Variants in CASP6 observed in about 807,000 individuals in gnomAD.
The protein encoded by CASP6 is caspase 6.
Under a neutral mutation model 31.8 loss-of-function variants are expected in CASP6, and 20 were observed. That is an observed-to-expected ratio of 0.63 (90% confidence interval 0.44 to 0.91). The LOEUF (loss-of-function observed/expected upper bound fraction) is 0.91. CASP6 is among the 40% of genes least tolerant of loss of function. The pLI is 0.00. For missense variants in CASP6, 328 were observed against 361.1 expected, an observed-to-expected ratio of 0.91 and a Z score of 0.74; for synonymous variants, 130 against 127.8, an observed-to-expected ratio of 1.02 and a Z score of -0.12.
At chr4:109,690,316 G>A (rs1730005250) in intron 6 of CASP6, among the ~76,000 whole-genome samples, 1 of 150,966 alleles carries the variant, frequency 6.6e-6, no homozygotes, top group East Asian at 1.9e-4. Context: ...CTGGAGGATT[G>A]TTTGAGACCA....
chr4:109,667,596 A>G, the CASP6 span, among the ~76,000 whole-genome samples: 1 of 150,508 alleles, frequency 6.6e-6, no homozygotes, highest in African/African-American at 2.4e-5. Flanking sequence ...TTTCTACTCT[A>G]TGTTTATAAT....
upstream of CASP6, among the ~76,000 whole-genome samples, chr4:109,708,418 A>C (rs1730662125): frequency 6.6e-6 from 1 of 152,228 alleles, no homozygotes; most frequent in Admixed American, 6.5e-5. Context: ...ACTCGTTGGA[A>C]ACAGCAGTGG....
At chr4:109,670,312 AGGTTG>A in the CASP6 span, among the ~76,000 whole-genome samples, 4,944 of 152,196 alleles carry the variant, frequency 0.032, 269 homozygotes, top group African/African-American at 0.11. Flanking sequence ...GGATGGTTAC[AGGTTG>A]CTGAAGTTGG....
Position 109,691,989 on chromosome 4 carries a change from G to A in CASP6, c.484-980C>T, listed in dbSNP as rs1730071587. 1.3e-5 allele frequency: 2 copies of A among 151,988 alleles called. 1 individual carries two copies. The highest frequency in any genetic ancestry group is 4.1e-4 in the South Asian group (2 of 4,830). The allele number at this position is 151,988 out of a possible 1,614,324, so 9.4% of individuals were successfully genotyped here. A position where few individuals can be genotyped will look rare whatever the true frequency, so the allele number is the denominator to read the frequency against. The stretch of plus-strand genomic sequence containing the variant: ...CTGCTGTTTAAACCACACAGTCTGT[G>A]GTACTTTGTTATGGTCACCCTATAC... On this transcript the variant is annotated intron_variant, in intron 5 of 6. Transcript: ENST00000265164.
rs1246932792 is a variant in CASP6, at chr4:109,703,409, G to A, written c.-14C>T. 1.2e-6 allele frequency: 2 copies of A among 1,611,136 alleles called. No individual in the cohort carries two copies. Among genetic ancestry groups the A allele is most frequent in the South Asian group, 1.1e-5 (1 of 90,446 alleles). On this transcript the variant is annotated 5_prime_UTR_variant, in exon 1 of 7. Coordinates refer to ENST00000265164, the MANE Select transcript of CASP6 (RefSeq NM_001226.4). Reference sequence around the variant, plus strand: ...GGCCGAGCTCATTGCAGCCAAACGCGCAGCCAGACACCTTGCCCTCCTCTT... The same window carrying A: ...GGCCGAGCTCATTGCAGCCAAACGCACAGCCAGACACCTTGCCCTCCTCTT...
At chr4:109,698,918 C>A (rs1004942294) in intron 1 of CASP6, among the ~76,000 whole-genome samples, 1 of 152,234 alleles carries the variant, frequency 6.6e-6, no homozygotes, top group Non-Finnish European at 1.5e-5. Flanking sequence ...GGACTCCCTA[C>A]TCCCTGGACA....
the CASP6 span, among the ~76,000 whole-genome samples, chr4:109,678,118 G>T: frequency 6.6e-6 from 1 of 151,974 alleles, no homozygotes; most frequent in African/African-American, 2.4e-5. Flanking sequence ...ATGTTTCAGA[G>T]AGCACGGGGT....
At chr4:109,707,647 T>C (rs1730646657), upstream of CASP6, among the ~76,000 whole-genome samples, 1 of 152,098 alleles carries the variant, frequency 6.6e-6, no homozygotes, top group Admixed American at 6.5e-5. Flanking sequence ...CCTCCCAGAA[T>C]GTTGGGATTA....
the CASP6 span, among the ~76,000 whole-genome samples, chr4:109,679,879 G>A: frequency 6.6e-6 from 1 of 152,122 alleles, no homozygotes; most frequent in African/African-American, 2.4e-5. Context: ...TCGGCTCACT[G>A]CAACCTCTGC....
At chr4:109,665,066 G>C in the CASP6 span, among the ~76,000 whole-genome samples, 1 of 152,096 alleles carries the variant, frequency 6.6e-6, no homozygotes, top group African/African-American at 2.4e-5. Context: ...TCCCACACCA[G>C]ACTGGTATAT....
chr4:109,690,718 TC>T (rs1330365640), intron 6 of CASP6, 131 bp downstream of exon 6: 6 of 877,612 alleles, frequency 6.8e-6, no homozygotes, highest in Non-Finnish European at 8.5e-6. Flanking sequence ...TCAAAGAAAT[TC>T]TAAGTCTGTG....
At chr4:109,681,353 C>A in the CASP6 span, 2 of 352,824 alleles carry the variant, frequency 5.7e-6, no homozygotes, top group African/African-American at 4.3e-5. Context: ...TAAAGTTTGT[C>A]TGTAGATTCC....
the CASP6 span, chr4:109,673,793 TGGC>T: frequency 1.3e-3 from 838 of 643,170 alleles, 6 homozygotes; most frequent in African/African-American, 0.013. Context: ...AGAAGCCGGT[TGGC>T]GGGTGAGAGG....
At chr4:109,682,736 T>A in the CASP6 span, 4,313 of 1,612,656 alleles carry the variant, frequency 2.7e-3, 68 homozygotes, top group East Asian at 0.021. Context: ...TGCAGCCCCT[T>A]GAACAGGTTA....
rs5030570 is a variant in CASP6, at chr4:109,695,436, C to A, written c.308-736G>T. On this transcript the variant is annotated intron_variant, in intron 4 of 6. Transcript: ENST00000265164. ...GAAACTGCTGCTCAACAGCTCCCCACGCATTGCTGCACTTTCACTATAGGA... is the reference window on the plus strand; with the variant it reads ...GAAACTGCTGCTCAACAGCTCCCCAAGCATTGCTGCACTTTCACTATAGGA... Among the ~76,000 whole-genome samples the A allele has an allele frequency of 5.9e-5, 9 of 152,256 alleles. No homozygotes were observed. In the East Asian group the frequency reaches 1.7e-3, roughly 29 times the overall value.
At chr4:109,692,184 G>C (rs1054779713) in intron 5 of CASP6, 3 of 152,100 alleles carry the variant, frequency 2.0e-5, no homozygotes, top group South Asian at 4.1e-4. Flanking sequence ...TTTAATCTTC[G>C]TATCAGCAGG....
chr4:109,673,967 C>G, the CASP6 span: 1 of 861,842 alleles, frequency 1.2e-6, no homozygotes, highest in South Asian at 1.3e-5. Context: ...GCAGTTGTTG[C>G]ATATGGATTA....
chr4:109,677,957 C>T, the CASP6 span, among the ~76,000 whole-genome samples: 1 of 151,532 alleles, frequency 6.6e-6, no homozygotes, highest in Non-Finnish European at 1.5e-5. Flanking sequence ...AGGCAGAGGT[C>T]CCTGCGGCCT....
chr4:109,680,303 A>G, the CASP6 span, among the ~76,000 whole-genome samples: 1 of 152,192 alleles, frequency 6.6e-6, no homozygotes, highest in African/African-American at 2.4e-5. Flanking sequence ...CAGATGGCCC[A>G]GTAACATTAA....
Sources: gnomAD v4.1 joint callset for allele counts (sites outside exome capture counted in the v4.1 genomes callset) on GRCh38, gnomAD v4.1.1 for gene constraint, MANE v1.5 for transcripts, NCBI Gene and HGNC (gene_info 2026-07-23, HGNC 2026-07-21) for gene names.